Variants in DHRS12 observed in about 807,000 individuals in gnomAD.
DHRS12 encodes the protein dehydrogenase/reductase SDR family member 12.
DHRS12 carries 29 observed loss-of-function variants against 32.1 expected under a neutral mutation model. The observed-to-expected ratio is 0.90, with a 90% confidence interval of 0.67 to 1.23. The LOEUF is 1.23. DHRS12 is among the 50% of genes most tolerant of loss of function. The probability of loss-of-function intolerance (pLI) is 0.00; values close to 1 mark genes in which losing one functional copy is unlikely to be tolerated. For missense variants in DHRS12, 330 were observed against 337.2 expected, an observed-to-expected ratio of 0.98 and a Z score of 0.17; for synonymous variants, 150 against 135.9, an observed-to-expected ratio of 1.10 and a Z score of -0.72.
At chr13:51,770,911 A>G (rs1953980339) in intron 7 of DHRS12, 1 of 1,206,814 alleles carries the variant, frequency 8.3e-7, no homozygotes, top group South Asian at 2.3e-5. Context: ...TTCATCTCCT[A>G]CCACCAGCAC....
At chr13:51,783,045 C>T (rs933020375) in intron 4 of DHRS12, among the ~76,000 whole-genome samples, 1 of 151,990 alleles carries the variant, frequency 6.6e-6, no homozygotes, top group Non-Finnish European at 1.5e-5. Flanking sequence ...GGGTGCACGG[C>T]GCGGCCCAGG....
At chr13:51,796,264 G>A (rs1404171548) in intron 2 of DHRS12, among the ~76,000 whole-genome samples, 2 of 152,112 alleles carry the variant, frequency 1.3e-5, no homozygotes, top group African/African-American at 4.8e-5. Flanking sequence ...TCATAAGCAG[G>A]GAGGGACAGC....
Position 51,804,092 on chromosome 13 carries a change from G to T in DHRS12, c.-47C>A, listed in dbSNP as rs749573707. ...GCAGCCCCTTGGCGAACCACACGAC[G>T]CTGCGGTACAGGGACATGCCGGGAG... On this transcript the variant is annotated 5_prime_UTR_variant, in exon 1 of 9. Transcript: ENST00000444610. 1 of 1,494,334 alleles carries T rather than the reference G, an allele frequency of 6.7e-7. No homozygotes were observed. Among genetic ancestry groups the T allele is most frequent in the Non-Finnish European group, 8.9e-7 (1 of 1,128,686 alleles). 92.6% of individuals were successfully genotyped at this position (1,494,334 alleles called of 1,614,324 possible).
At position 51,790,044 on chromosome 13, in the gene DHRS12, C is replaced by G. The variant is rs1327562105; in HGVS notation, c.268G>C (p.Gly90Arg). Residue 90 changes from glycine (G) to arginine (R), a missense_variant, in exon 4 of 9, where the codon GGA becomes CGA. Coordinates refer to ENST00000444610, the MANE Select transcript of DHRS12 (RefSeq NM_001377533.1). ...TTGGCAGCAAAGTTTTTTTCAAGTCCATCTTCTGTGAGCTCTCTTTTATTG... is the reference window on the plus strand; with the variant it reads ...TTGGCAGCAAAGTTTTTTTCAAGTCGATCTTCTGTGAGCTCTCTTTTATTG... Reference protein sequence around the residue: ...MVNKRELTEDGLEKNFAANTL... With the variant: ...MVNKRELTEDRLEKNFAANTL... The G allele has an allele frequency of 1.2e-6, 2 of 1,602,902 alleles. No homozygotes were observed. Among genetic ancestry groups the G allele is most frequent in the Non-Finnish European group, 1.7e-6 (2 of 1,176,584 alleles).
At chr13:51,785,354 A>C (rs1954908057) in intron 4 of DHRS12, among the ~76,000 whole-genome samples, 1 of 151,082 alleles carries the variant, frequency 6.6e-6, no homozygotes, top group African/African-American at 2.4e-5. Flanking sequence ...AAAAAAAAAA[A>C]CAAACCCTTG....
At chr13:51,797,475 C>T (rs1225413087) in intron 2 of DHRS12, among the ~76,000 whole-genome samples, 5 of 152,176 alleles carry the variant, frequency 3.3e-5, no homozygotes. Flanking sequence ...CAATGCATGG[C>T]TCCGTGGCAC....
At chr13:51,784,442 G>A (rs1467247773) in intron 4 of DHRS12, among the ~76,000 whole-genome samples, 1 of 152,168 alleles carries the variant, frequency 6.6e-6, no homozygotes, top group African/African-American at 2.4e-5. Flanking sequence ...CAAAATAAGA[G>A]GCTGACTGCT....
intron 7 of DHRS12, chr13:51,771,479 C>T (rs1211782108): frequency 1.9e-6 from 3 of 1,614,186 alleles, no homozygotes; most frequent in Non-Finnish European, 2.5e-6. Context: ...CCTTCCTCAG[C>T]TCCTGCTCAT....
intron 4 of DHRS12, among the ~76,000 whole-genome samples, chr13:51,786,943 C>T (rs1252059650): frequency 6.6e-6 from 1 of 152,172 alleles, no homozygotes; most frequent in Admixed American, 6.5e-5. Context: ...TTTTCCAGGA[C>T]TCGGACAGGG....
rs776649321 is a variant in DHRS12, at chr13:51,768,286, T to C, written c.708A>G (p.Pro236=). ...PSGRFFQDRK[P]VSTHLPLATA... ...TAGCGAGAGGCAAGTGTGTAGAAAC[T>C]GGCTTCCGATCTAAAAGTGAGAGGG... Residue 236 remains proline (P), a synonymous_variant, in exon 9 of 9, where the codon CCA becomes CCG. Coordinates refer to ENST00000444610, the MANE Select transcript of DHRS12 (RefSeq NM_001377533.1). 2 of 1,535,920 alleles carry C rather than the reference T, an allele frequency of 1.3e-6. No homozygotes were observed. The highest frequency in any genetic ancestry group is 1.7e-6 in the Non-Finnish European group (2 of 1,146,888).
chr13:51,769,339 A>C, intron 7 of DHRS12, 46 bp from the exon 8 acceptor site: 8 of 1,392,284 alleles, frequency 5.7e-6, no homozygotes, highest in Non-Finnish European at 6.6e-6. Flanking sequence ...ATTCTCCAGC[A>C]AATGTGGTTG....
chr13:51,798,941 G>A (rs914394543), intron 2 of DHRS12, among the ~76,000 whole-genome samples: 2 of 152,224 alleles, frequency 1.3e-5, no homozygotes, highest in African/African-American at 4.8e-5. Flanking sequence ...GCTGACTGAA[G>A]ACTTTACAGT....
chr13:51,773,017 C>T (rs2138944338), intron 6 of DHRS12: 1 of 985,444 alleles, frequency 1.0e-6, no homozygotes, highest in South Asian at 4.7e-5. Context: ...GGCAGCCTTA[C>T]AGACAATGTG....
At chr13:51,780,838 T>C (rs1229197449) in intron 4 of DHRS12, among the ~76,000 whole-genome samples, 1 of 152,228 alleles carries the variant, frequency 6.6e-6, no homozygotes, top group Non-Finnish European at 1.5e-5. Flanking sequence ...GACATTTTAA[T>C]AGCATTAAAG....
At chr13:51,767,781 CGGG>C (rs71085096), downstream of DHRS12, 14 of 4,678 alleles carry the variant, frequency 3.0e-3, 1 homozygote, top group South Asian at 5.1e-3. Context: ...TCTCCTGGGG[CGGG>C]GGGGGGGGGG....
intron 1 of DHRS12, among the ~76,000 whole-genome samples, chr13:51,802,143 A>G (rs1955784065): frequency 6.6e-6 from 1 of 150,486 alleles, no homozygotes; most frequent in African/African-American, 2.5e-5. Flanking sequence ...TCTAGAAATC[A>G]GTCTCTAGAT....
chr13:51,792,096 T>C (rs1353179108), intron 2 of DHRS12, among the ~76,000 whole-genome samples: 1 of 152,184 alleles, frequency 6.6e-6, no homozygotes, highest in Non-Finnish European at 1.5e-5. Flanking sequence ...CTGATTTCAA[T>C]TCCCTTGGAT....
chr13:51,776,060 TCTACAGTATTCTC>T lies in DHRS12; in HGVS notation c.363+987_363+999del, dbSNP rs1164692308. ...TTCTACAGTATTCTCCTACATGTAT[TCTACAGTATTCTC>T]CTACATGTATTCTCCTACATGTATT... On this transcript the variant is annotated intron_variant, in intron 5 of 8. Coordinates refer to ENST00000444610, the MANE Select transcript of DHRS12 (RefSeq NM_001377533.1). 1,016 of 107,880 alleles carry T rather than the reference TCTACAGTATTCTC, an allele frequency of 9.4e-3. 109 individuals carry two copies. The highest frequency in any genetic ancestry group is 0.011 in the Non-Finnish European group (614 of 53,522). The allele number at this position is 107,880 out of a possible 1,614,324, so 6.7% of individuals were successfully genotyped here. A position where few individuals can be genotyped will look rare whatever the true frequency, so the allele number is the denominator to read the frequency against.
intron 2 of DHRS12, among the ~76,000 whole-genome samples, chr13:51,793,794 C>T (rs1009017847): frequency 3.3e-5 from 5 of 152,232 alleles, no homozygotes; most frequent in African/African-American, 1.2e-4. Flanking sequence ...CTAAAACTCC[C>T]TCCTACCAGA....
Sources: gnomAD v4.1 joint callset for allele counts (sites outside exome capture counted in the v4.1 genomes callset) on GRCh38, gnomAD v4.1.1 for gene constraint, MANE v1.5 for transcripts, NCBI Gene and HGNC (gene_info 2026-07-23, HGNC 2026-07-21) for gene names.